The following ADCK1 variants were observed in gnomAD, a reference collection of about 807,000 sequenced individuals.
ADCK1 encodes aarF domain-containing protein kinase 1.
ADCK1 carries 41 observed loss-of-function variants against 52.3 expected under a neutral mutation model. The observed-to-expected ratio is 0.78, with a 90% CI of 0.61 to 1.02. ADCK1 has a LOEUF of 1.02. Ranked by LOEUF, ADCK1 falls within the 50% of genes least tolerant of loss-of-function variation. The probability of loss-of-function intolerance (pLI) is 0.00; values close to 1 mark genes in which losing one functional copy is unlikely to be tolerated. For missense variants in ADCK1, 658 were observed against 679.5 expected (o/e 0.97, Z 0.35); for synonymous variants, 250 against 274.6 (o/e 0.91, Z 0.89).
chr14:77,914,536 C>T (rs1462914347), intron 7 of ADCK1: 5 of 985,254 alleles, frequency 5.1e-6, no homozygotes, highest in Non-Finnish European at 3.6e-6. Flanking sequence ...GAGGTGTGAG[C>T]AGAGTGTGGG....
chr14:77,930,219 T>C (rs1354457435), intron 9 of ADCK1, among the ~76,000 whole-genome samples: 1 of 152,140 alleles, frequency 6.6e-6, no homozygotes, highest in Non-Finnish European at 1.5e-5. Flanking sequence ...GTTGAGATGT[T>C]CCAGTCTGAT....
chr14:77,870,474 A>G lies in ADCK1; in HGVS notation c.423+11195A>G, dbSNP rs544396541. 6.6e-5 allele frequency among the ~76,000 whole-genome samples: 10 copies of G among 152,370 alleles called. No homozygotes were observed. In the South Asian group the frequency reaches 1.9e-3, roughly 28 times the overall value. On this transcript the variant is annotated intron_variant, in intron 4 of 10. Transcript: ENST00000238561. ...TCTTGTGTGTGCCCAAGACTGATAA[A>G]GAGACATTTTAGGCAAAGTGAGCTA...
chr14:77,819,698 C>G (rs1294712120), intron 2 of ADCK1, among the ~76,000 whole-genome samples: 2 of 152,166 alleles, frequency 1.3e-5, no homozygotes, highest in Non-Finnish European at 2.9e-5. Context: ...CTGGTGTGAT[C>G]AGGTCCTCTT....
chr14:77,928,913 T>G (rs185700380), intron 9 of ADCK1, among the ~76,000 whole-genome samples: 1 of 152,296 alleles, frequency 6.6e-6, no homozygotes, highest in East Asian at 1.9e-4. Flanking sequence ...ACCATGCCCC[T>G]TGTAGTTATT....
At chr14:77,838,916 A>G (rs1025068226) in intron 3 of ADCK1, among the ~76,000 whole-genome samples, 4 of 152,206 alleles carry the variant, frequency 2.6e-5, no homozygotes, top group African/African-American at 9.7e-5. Context: ...TTGGGAGGAC[A>G]AGAGGTAATT....
intron 4 of ADCK1, among the ~76,000 whole-genome samples, chr14:77,874,950 C>T (rs542580201): frequency 2.0e-5 from 3 of 152,174 alleles, no homozygotes; most frequent in South Asian, 4.2e-4. Flanking sequence ...ATGCAGAGAC[C>T]TCAGGATGGG....
chr14:77,860,058 C>A (rs1433467284), intron 4 of ADCK1, among the ~76,000 whole-genome samples: 1 of 152,140 alleles, frequency 6.6e-6, no homozygotes, highest in African/African-American at 2.4e-5. Context: ...CTAGCAAATC[C>A]CAGGCAGGGT....
At chr14:77,930,815 A>G (rs187504202) in intron 9 of ADCK1, among the ~76,000 whole-genome samples, 1 of 152,330 alleles carries the variant, frequency 6.6e-6, no homozygotes, top group Non-Finnish European at 1.5e-5. Context: ...ATGGAGACTG[A>G]AAAGGGGTCA....
intron 4 of ADCK1, among the ~76,000 whole-genome samples, chr14:77,886,582 A>G (rs2083151802): frequency 1.3e-5 from 2 of 152,164 alleles, no homozygotes; most frequent in Non-Finnish European, 2.9e-5. Context: ...AATGTCCAGC[A>G]GTGGAGGACC....
At chr14:77,925,388 G>A (rs1023801325) in intron 8 of ADCK1, among the ~76,000 whole-genome samples, 2 of 152,232 alleles carry the variant, frequency 1.3e-5, no homozygotes, top group African/African-American at 4.8e-5. Context: ...GTGAGGGCTT[G>A]GAGGAGCCTG....
intron 4 of ADCK1, among the ~76,000 whole-genome samples, chr14:77,873,530 T>G (rs951029292): frequency 2.0e-5 from 3 of 152,142 alleles, no homozygotes; most frequent in African/African-American, 7.2e-5. Context: ...TGGACTTGAG[T>G]ATGTACTTGT....
intron 1 of ADCK1, among the ~76,000 whole-genome samples, chr14:77,807,490 C>T (rs531982627): frequency 9.3e-5 from 14 of 150,810 alleles, no homozygotes; most frequent in South Asian, 4.2e-4. Context: ...TACAGCCGTG[C>T]GCCACCACGC....
At chr14:77,922,944 CAG>C (rs2084097395) in intron 7 of ADCK1, among the ~76,000 whole-genome samples, 2 of 152,162 alleles carry the variant, frequency 1.3e-5, no homozygotes, top group African/African-American at 4.8e-5. Context: ...CTTAGGAAAA[CAG>C]AGAGATGAGG....
intron 7 of ADCK1, among the ~76,000 whole-genome samples, chr14:77,919,566 C>T (rs1393024632): frequency 6.6e-6 from 1 of 152,120 alleles, no homozygotes; most frequent in African/African-American, 2.4e-5. Context: ...GTGTCTTTTT[C>T]ATATAATGAC....
chr14:77,842,448 T>TTTTTTTCCTTCCTTCC (rs1486087604), intron 3 of ADCK1, among the ~76,000 whole-genome samples: 1 of 92,284 alleles, frequency 1.1e-5, no homozygotes, highest in African/African-American at 3.6e-5. Context: ...GGTATTTTTT[T>TTTTTTTCCTTCCTTCC]TTCCTTCCTT....
intron 4 of ADCK1, among the ~76,000 whole-genome samples, chr14:77,865,248 G>T (rs2082638565): frequency 6.6e-6 from 1 of 152,230 alleles, no homozygotes; most frequent in African/African-American, 2.4e-5. Context: ...GGAGGCTGAG[G>T]CAGGCAGATC....
Position 77,925,841 on chromosome 14 carries a change from GGAGTAC to G in ADCK1, c.1087_1092del (p.Glu363_Tyr364del), listed in dbSNP as rs777554736. ...TCTGGACTGACATGAAGAGAGTGAA[GGAGTAC>G]AGCCAGCGACTGGGAGCCGGGGATC... is the stretch of plus-strand genomic sequence containing the variant. On this transcript the variant is annotated inframe_deletion, in exon 9 of 11. Coordinates refer to ENST00000238561, the MANE Select transcript of ADCK1 (RefSeq NM_020421.4). The G allele has an allele frequency of 2.5e-6, 4 of 1,614,100 alleles. No individual in the cohort carries two copies. The highest frequency in any genetic ancestry group is 3.4e-6 in the Non-Finnish European group (4 of 1,180,052).
chr14:77,880,063 C>T (rs1291388642), intron 4 of ADCK1, among the ~76,000 whole-genome samples: 1 of 152,256 alleles, frequency 6.6e-6, no homozygotes, highest in South Asian at 2.1e-4. Flanking sequence ...CCAAGCCTTA[C>T]AGCTTCTCAG....
At chr14:77,843,611 C>T (rs2082118863) in intron 3 of ADCK1, among the ~76,000 whole-genome samples, 2 of 152,164 alleles carry the variant, frequency 1.3e-5, no homozygotes, top group African/African-American at 4.8e-5. Flanking sequence ...GGCAGAGTCA[C>T]AAGTTGCCAG....
Sources: gnomAD v4.1 joint callset for allele counts (sites outside exome capture counted in the v4.1 genomes callset) on GRCh38, gnomAD v4.1.1 for gene constraint, MANE v1.5 for transcripts, NCBI Gene and HGNC (gene_info 2026-07-23, HGNC 2026-07-21) for gene names.